RASGRF2: variants seen among roughly 807,000 people sequenced by gnomAD.
The protein encoded by RASGRF2 is Ras protein specific guanine nucleotide releasing factor 2, also known as ras-specific guanine nucleotide-releasing factor 2.
Under a neutral mutation model 151.0 loss-of-function variants are expected in RASGRF2, and 76 were observed. That is an observed-to-expected ratio of 0.50 (90% CI 0.42 to 0.61). The LOEUF (loss-of-function observed/expected upper bound fraction) is 0.61. RASGRF2 is among the 20% of genes least tolerant of loss of function. RASGRF2 has a pLI of 0.00. For synonymous variants in RASGRF2, 504 were observed against 566.5 expected, an observed-to-expected ratio of 0.89 and a Z score of 1.57; for missense variants, 1,148 against 1,564.6, an observed-to-expected ratio of 0.73 and a Z score of 4.49.
chr5:81,003,047 T>A (rs1749127663), intron 1 of RASGRF2, among the ~76,000 whole-genome samples: 3 of 151,012 alleles, frequency 2.0e-5, no homozygotes, highest in Admixed American at 2.0e-4. Flanking sequence ...TTTTTTAATA[T>A]CACAAAGAGA....
intron 1 of RASGRF2, among the ~76,000 whole-genome samples, chr5:81,019,021 A>G (rs747817821): frequency 6.6e-6 from 1 of 152,166 alleles, no homozygotes; most frequent in Non-Finnish European, 1.5e-5. Flanking sequence ...GCTGGTCTCA[A>G]ACTCCTGACC....
intron 4 of RASGRF2, among the ~76,000 whole-genome samples, chr5:81,071,894 A>G (rs1751788170): frequency 6.6e-6 from 1 of 152,190 alleles, no homozygotes; most frequent in African/African-American, 2.4e-5. Flanking sequence ...AAGTAAATAG[A>G]AAGGTTTTAC....
chr5:81,027,787 G>A (rs1202755247), intron 1 of RASGRF2, among the ~76,000 whole-genome samples: 3 of 152,198 alleles, frequency 2.0e-5, no homozygotes, highest in African/African-American at 7.2e-5. Context: ...CTCTGCAGCA[G>A]GCAGAGTCAG....
intron 17 of RASGRF2, among the ~76,000 whole-genome samples, chr5:81,128,939 G>A (rs996091725): frequency 6.6e-6 from 1 of 152,038 alleles, no homozygotes; most frequent in African/African-American, 2.4e-5. Flanking sequence ...AGGGGTTCAA[G>A]ACCAGCCTGG....
intron 1 of RASGRF2, among the ~76,000 whole-genome samples, chr5:81,026,404 A>C (rs1323972246): frequency 2.6e-5 from 4 of 151,978 alleles, no homozygotes; most frequent in Admixed American, 2.0e-4. Flanking sequence ...TTGCCTCTTC[A>C]TCCAACATTT....
At chr5:81,123,274 A>G (rs908833083) in intron 15 of RASGRF2, among the ~76,000 whole-genome samples, 1 of 152,098 alleles carries the variant, frequency 6.6e-6, no homozygotes, top group Non-Finnish European at 1.5e-5. Context: ...TGAAGTTCCG[A>G]TTTGTAATCC....
intron 16 of RASGRF2, among the ~76,000 whole-genome samples, chr5:81,126,305 AGGAAATTCTGTCAGAG>A (rs1228323119): frequency 6.6e-6 from 1 of 152,248 alleles, no homozygotes; most frequent in East Asian, 1.9e-4. Flanking sequence ...TGTTCTGAGA[AGGAAATTCTGTCAGAG>A]GGAAATTCTA....
At chr5:81,041,175 G>A (rs1387505529) in intron 1 of RASGRF2, among the ~76,000 whole-genome samples, 1 of 151,968 alleles carries the variant, frequency 6.6e-6, no homozygotes, top group East Asian at 1.9e-4. Context: ...GGTGGCACAT[G>A]CCTGTAATCC....
intron 10 of RASGRF2, among the ~76,000 whole-genome samples, chr5:81,093,390 T>C (rs1371463493): frequency 1.3e-5 from 2 of 152,180 alleles, no homozygotes; most frequent in African/African-American, 4.8e-5. Context: ...TTAGAGCCTG[T>C]TTTTGTTAAT....
chr5:81,017,569 G>A (rs1232041773), intron 1 of RASGRF2, among the ~76,000 whole-genome samples: 7 of 152,308 alleles, frequency 4.6e-5, no homozygotes, highest in South Asian at 2.1e-4. Flanking sequence ...CAGAAGATGC[G>A]GAGGTGGCAG....
intron 1 of RASGRF2, among the ~76,000 whole-genome samples, chr5:81,023,387 A>G (rs190757774): frequency 1.3e-5 from 2 of 152,334 alleles, no homozygotes; most frequent in East Asian, 3.9e-4. Context: ...GTGAAAGGTT[A>G]CAGAATACCA....
intron 15 of RASGRF2, among the ~76,000 whole-genome samples, chr5:81,115,037 G>T (rs1434893787): frequency 1.3e-5 from 2 of 152,108 alleles, no homozygotes; most frequent in African/African-American, 4.8e-5. Flanking sequence ...ATTACAAACA[G>T]CTTTTAAAAA....
intron 2 of RASGRF2, among the ~76,000 whole-genome samples, chr5:81,057,995 CA>C (rs1751283091): frequency 6.6e-6 from 1 of 151,598 alleles, no homozygotes; most frequent in South Asian, 2.1e-4. Flanking sequence ...GAACCTGCCT[CA>C]AAAATAATTA....
At chr5:81,012,680 G>A (rs1000184829) in intron 1 of RASGRF2, among the ~76,000 whole-genome samples, 7 of 152,074 alleles carry the variant, frequency 4.6e-5, no homozygotes, top group Admixed American at 6.5e-5. Flanking sequence ...CAACTCCGAC[G>A]CAGTTTTTAC....
At chr5:81,075,437 G>T (rs886410500) in intron 5 of RASGRF2, among the ~76,000 whole-genome samples, 2 of 152,146 alleles carry the variant, frequency 1.3e-5, no homozygotes, top group Non-Finnish European at 2.9e-5. Flanking sequence ...GTCATTCCTT[G>T]TGCCAGCGGG....
chr5:81,110,047 C>T (rs2112538052), intron 13 of RASGRF2, among the ~76,000 whole-genome samples: 1 of 152,280 alleles, frequency 6.6e-6, no homozygotes, highest in East Asian at 1.9e-4. Flanking sequence ...AATCTCTGTT[C>T]CTTCTGATGG....
At chr5:81,202,488 T>C (rs575079709) in intron 19 of RASGRF2, among the ~76,000 whole-genome samples, 2 of 152,350 alleles carry the variant, frequency 1.3e-5, no homozygotes, top group South Asian at 4.1e-4. Flanking sequence ...TGTTAGCAAC[T>C]GGCCTGTAAG....
intron 7 of RASGRF2, among the ~76,000 whole-genome samples, chr5:81,083,065 G>A (rs1752129733): frequency 1.3e-5 from 2 of 152,184 alleles, no homozygotes; most frequent in Non-Finnish European, 2.9e-5. Context: ...CTGAAGCTGA[G>A]AGGTTTTTCC....
At chr5:81,115,491 T>A (rs1753126053) in intron 15 of RASGRF2, among the ~76,000 whole-genome samples, 1 of 151,868 alleles carries the variant, frequency 6.6e-6, no homozygotes, top group Non-Finnish European at 1.5e-5. Context: ...GGCATGGGGG[T>A]ATGGGAAGTA....
Sources: allele counts gnomAD v4.1 joint callset (sites outside exome capture counted in the v4.1 genomes callset), GRCh38; gene constraint gnomAD v4.1.1; transcripts MANE v1.5; gene names NCBI Gene and HGNC (gene_info 2026-07-23, HGNC 2026-07-21).